Variants in UNC79 observed in about 807,000 individuals in gnomAD.
UNC79 encodes protein unc-79 homolog.
UNC79 carries 37 observed loss-of-function variants against 283.1 expected under a neutral mutation model. The observed-to-expected ratio is 0.13, with a 90% CI of 0.10 to 0.17. UNC79 has a LOEUF of 0.17. UNC79 is among the 10% of genes least tolerant of loss of function. The pLI is 1.00. For missense variants in UNC79, 2,272 were observed against 3,211.1 expected, an observed-to-expected ratio of 0.71 and a Z score of 7.07; for synonymous variants, 1,107 against 1,200.2, an observed-to-expected ratio of 0.92 and a Z score of 1.61.
intron 1 of UNC79, among the ~76,000 whole-genome samples, chr14:93,447,534 A>G (rs559114167): frequency 4.6e-5 from 7 of 151,998 alleles, no homozygotes; most frequent in Non-Finnish European, 8.8e-5. Flanking sequence ...AAGAAAGTAT[A>G]GTCTTTTGCA....
intron 7 of UNC79, among the ~76,000 whole-genome samples, chr14:93,500,507 C>T (rs1480458578): frequency 1.3e-5 from 2 of 152,196 alleles, no homozygotes; most frequent in Non-Finnish European, 1.5e-5. Context: ...ACTTATCCAG[C>T]ACCGGCTGCT....
intron 17 of UNC79, 81 bp from the exon 18 acceptor site, chr14:93,577,761 T>A: frequency 7.1e-7 from 1 of 1,402,908 alleles, no homozygotes; most frequent in Non-Finnish European, 9.9e-7. Context: ...GGAAATACCT[T>A]CCATAGAGTC....
chr14:93,409,605 A>C (rs2055295158), intron 1 of UNC79, among the ~76,000 whole-genome samples: 1 of 152,160 alleles, frequency 6.6e-6, no homozygotes. Flanking sequence ...GAAGGATTGC[A>C]TGAGGCTAGG....
upstream of UNC79, among the ~76,000 whole-genome samples, chr14:93,426,582 G>T (rs1233568390): frequency 6.6e-6 from 1 of 151,196 alleles, no homozygotes; most frequent in East Asian, 1.9e-4. Context: ...TTTTCAGATT[G>T]GATAATTTAC....
At chr14:93,600,036 T>C (rs970471985) in intron 24 of UNC79, among the ~76,000 whole-genome samples, 1 of 151,604 alleles carries the variant, frequency 6.6e-6, no homozygotes. Context: ...TCGTCTCTAC[T>C]AAAAATACAA....
Position 93,608,750 on chromosome 14 carries a change from T to A in UNC79, c.3755-4047T>A, listed in dbSNP as rs769398758. 6.2e-4 allele frequency among the ~76,000 whole-genome samples: 94 copies of A among 152,308 alleles called. 1 individual carries two copies. Among genetic ancestry groups the A allele is most frequent in the Admixed American group, 1.6e-3 (25 of 15,298 alleles). ...AGAGGGGTCAGTGAGTCAGTTCACA[T>A]AGAGAAACGTTCCAATATTCCTGCT... On this transcript the variant is annotated intron_variant, in intron 26 of 48. Coordinates refer to ENST00000555664, the Ensembl canonical transcript of UNC79.
At chr14:93,556,499 G>A (rs77689120) in intron 14 of UNC79, among the ~76,000 whole-genome samples, 2,709 of 152,180 alleles carry the variant, frequency 0.018, 59 homozygotes, top group Non-Finnish European at 0.025. Flanking sequence ...ATCAGTCTGC[G>A]TGTAATTCTT....
chr14:93,348,265 C>G, intron 1 of UNC79: 1 of 613,900 alleles, frequency 1.6e-6, no homozygotes, highest in Non-Finnish European at 2.9e-6. Flanking sequence ...ATATTTTGCA[C>G]TTTTTTAGTA....
chr14:93,351,900 T>C (rs1180730131), intron 1 of UNC79, among the ~76,000 whole-genome samples: 2 of 152,192 alleles, frequency 1.3e-5, no homozygotes, highest in Non-Finnish European at 2.9e-5. Flanking sequence ...CACCTACACT[T>C]TGAAGGACTA....
intron 30 of UNC79, among the ~76,000 whole-genome samples, chr14:93,625,223 C>A (rs558568178): frequency 1.3e-5 from 2 of 152,316 alleles, no homozygotes; most frequent in South Asian, 4.1e-4. Flanking sequence ...TGGCCAGGGG[C>A]AGCATCTTCC....
chr14:93,530,227 A>G (rs145523979), intron 10 of UNC79, among the ~76,000 whole-genome samples: 1 of 150,874 alleles, frequency 6.6e-6, no homozygotes, highest in Non-Finnish European at 1.5e-5. Flanking sequence ...AAATGGAGCA[A>G]TAATATCAGC....
exon 30 of UNC79, chr14:93,622,384 G>A: frequency 1.2e-6 from 2 of 1,614,124 alleles, no homozygotes; most frequent in African/African-American, 2.7e-5. Flanking sequence ...TCATCACTCT[G>A]GAAGACCCTA....
At chr14:93,615,042 C>T (rs2066596997) in intron 27 of UNC79, among the ~76,000 whole-genome samples, 1 of 152,192 alleles carries the variant, frequency 6.6e-6, no homozygotes, top group Admixed American at 6.5e-5. Context: ...CTTGGGGCTA[C>T]AGAGATGTGG....
chr14:93,592,908 C>A (rs1032546668), intron 22 of UNC79, among the ~76,000 whole-genome samples: 4 of 152,152 alleles, frequency 2.6e-5, no homozygotes, highest in African/African-American at 4.8e-5. Flanking sequence ...CATCTCATAG[C>A]CCAACTGTGG....
chr14:93,701,700 G>A (rs755542304), intron 47 of UNC79, among the ~76,000 whole-genome samples: 10 of 152,136 alleles, frequency 6.6e-5, no homozygotes, highest in African/African-American at 1.4e-4. Context: ...CTGAAATAGG[G>A]TGATGGCTGG....
chr14:93,637,241 G>A, exon 32 of UNC79: 1 of 1,471,938 alleles, frequency 6.8e-7, no homozygotes. Flanking sequence ...GGAAACGCCA[G>A]TGTAACGTGC....
chr14:93,492,411 G>C (rs756424711), intron 5 of UNC79, among the ~76,000 whole-genome samples: 1 of 152,192 alleles, frequency 6.6e-6, no homozygotes, highest in Non-Finnish European at 1.5e-5. Flanking sequence ...CCAGGCTGGA[G>C]TGCAGTGGCA....
rs565532757 is a variant in UNC79, at chr14:93,621,808, G to A, written c.4575G>A (p.Arg1525=). The A allele has an allele frequency of 9.4e-5, 151 of 1,614,116 alleles. 4 individuals are homozygous for A. The South Asian group carries it at 1.5e-3, about 16-fold the overall frequency. The change falls in exon 30 of 49, where the codon CGG becomes CGA. Residue 1525 remains arginine (R), a synonymous_variant. Transcript: ENST00000555664. The surrounding 1 kb of genome is among the most constrained non-coding windows in gnomAD (Gnocchi z 4.8). ...ATCGTAGGAAGTCGTGCATAGATCG[G>A]TGTGACATAGAGAAGCCTCCGACCC...
intron 1 of UNC79, among the ~76,000 whole-genome samples, chr14:93,461,480 G>T (rs1034596887): frequency 6.6e-6 from 1 of 152,152 alleles, no homozygotes; most frequent in Admixed American, 6.5e-5. Flanking sequence ...TTAAATTTGT[G>T]TATGCACAGA....
Sources: gnomAD v4.1 joint callset for allele counts (sites outside exome capture counted in the v4.1 genomes callset) on GRCh38, gnomAD v4.1.1 for gene constraint, Gnocchi (gnomAD v3.1) non-coding constraint, MANE v1.5 for transcripts, NCBI Gene and HGNC (gene_info 2026-07-23, HGNC 2026-07-21) for gene names.